ZFHX3: variants seen among roughly 807,000 people sequenced by gnomAD.
The protein encoded by ZFHX3 is zinc finger homeobox 3.
Under a neutral mutation model 279.1 loss-of-function variants are expected in ZFHX3, and 42 were observed. That is an observed-to-expected ratio of 0.15 (90% confidence interval 0.12 to 0.19). ZFHX3 has a LOEUF of 0.19. Ranked by LOEUF, ZFHX3 falls within the 10% of genes least tolerant of loss-of-function variation. ZFHX3 has a pLI of 1.00. For missense variants in ZFHX3, 4,981 were observed against 4,754.0 expected (o/e 1.05, Z -1.40); for synonymous variants, 2,293 against 1,957.8 (o/e 1.17, Z -4.52).
At chr16:73,283,213 T>A (rs2014501854) in intron 4 of ZFHX3, among the ~76,000 whole-genome samples, 1 of 152,228 alleles carries the variant, frequency 6.6e-6, no homozygotes, top group African/African-American at 2.4e-5. Flanking sequence ...TTCCGGCAAC[T>A]GTTTACATTT....
chr16:72,920,500 C>T (rs909181273), intron 3 of ZFHX3, among the ~76,000 whole-genome samples: 10 of 150,512 alleles, frequency 6.6e-5, no homozygotes, highest in Middle Eastern at 7.1e-3. Flanking sequence ...GCCAACATGG[C>T]GAAACCCCGT....
At chr16:73,197,020 G>A (rs370377567) in intron 5 of ZFHX3, among the ~76,000 whole-genome samples, 6 of 152,200 alleles carry the variant, frequency 3.9e-5, no homozygotes, top group East Asian at 1.9e-4. Context: ...TAAGTAGGGC[G>A]TCTTTACCAT....
chr16:72,904,170 A>G (rs1429660734), intron 3 of ZFHX3, among the ~76,000 whole-genome samples: 4 of 152,148 alleles, frequency 2.6e-5, no homozygotes, highest in Non-Finnish European at 4.4e-5. Flanking sequence ...GTTAGAGACC[A>G]GCTTGGCCAA....
chr16:73,217,591 C>T (rs1404890215), intron 5 of ZFHX3, among the ~76,000 whole-genome samples: 1 of 152,062 alleles, frequency 6.6e-6, no homozygotes, highest in Non-Finnish European at 1.5e-5. Flanking sequence ...TGTCAAGTGC[C>T]TCTCGATGTT....
At chr16:73,244,235 T>A (rs371159223) in intron 5 of ZFHX3, among the ~76,000 whole-genome samples, 5 of 152,108 alleles carry the variant, frequency 3.3e-5, no homozygotes, top group Non-Finnish European at 7.4e-5. Context: ...AGAGTATTCA[T>A]CCTGAGGAGA....
At chr16:73,035,386 C>G (rs1415723086) in intron 1 of ZFHX3, among the ~76,000 whole-genome samples, 2 of 152,168 alleles carry the variant, frequency 1.3e-5, no homozygotes, top group Non-Finnish European at 2.9e-5. Flanking sequence ...ACTTCAGATT[C>G]AGGCGGGATT....
chr16:73,675,233 C>G (rs931396884), intron 2 of ZFHX3, among the ~76,000 whole-genome samples: 6 of 152,072 alleles, frequency 3.9e-5, no homozygotes, highest in African/African-American at 1.4e-4. Context: ...TCTCACAAGG[C>G]ATGGGAGGGG....
At chr16:73,075,130 CATA>C in intron 8 of ZFHX3, among the ~76,000 whole-genome samples, 1 of 152,200 alleles carries the variant, frequency 6.6e-6, no homozygotes, top group Middle Eastern at 3.4e-3. Context: ...TGTTTTAAAG[CATA>C]ATTACTCTAT....
chr16:73,096,250 C>T (rs1966161583), intron 7 of ZFHX3, among the ~76,000 whole-genome samples: 1 of 151,716 alleles, frequency 6.6e-6, no homozygotes, highest in African/African-American at 2.4e-5. Context: ...CTTATGACTC[C>T]CAGTGCTGGA....
intron 4 of ZFHX3, among the ~76,000 whole-genome samples, chr16:72,876,754 AAGAAACAAAC>A (rs1329265131): frequency 5.3e-5 from 8 of 152,316 alleles, no homozygotes; most frequent in Admixed American, 5.2e-4. Context: ...TTCCCCCCTA[AAGAAACAAAC>A]AGAAAAAGCC....
At chr16:73,680,801 A>G (rs8063307) in intron 1 of ZFHX3, among the ~76,000 whole-genome samples, 36,086 of 152,116 alleles carry the variant, frequency 0.24, 4,370 homozygotes, top group Non-Finnish European at 0.25. Context: ...TTTTTGGCAA[A>G]TGATTTGGAT....
intron 1 of ZFHX3, among the ~76,000 whole-genome samples, chr16:73,748,146 G>A (rs527573055): frequency 6.6e-6 from 1 of 152,052 alleles, no homozygotes; most frequent in Non-Finnish European, 1.5e-5. Context: ...ATTTCACGGG[G>A]ATTTTTCATC....
At chr16:73,747,039 T>C (rs1483336775) in intron 1 of ZFHX3, among the ~76,000 whole-genome samples, 1 of 151,966 alleles carries the variant, frequency 6.6e-6, no homozygotes, top group African/African-American at 2.4e-5. Flanking sequence ...CACAAATGAG[T>C]TTGTCCAAGT....
chr16:72,931,225 G>T (rs1442872935), intron 3 of ZFHX3, among the ~76,000 whole-genome samples: 1 of 152,068 alleles, frequency 6.6e-6, no homozygotes, highest in Non-Finnish European at 1.5e-5. Flanking sequence ...TAATCATCAG[G>T]CAGGTCATGA....
At chr16:73,845,029 T>G (rs1315665224) in intron 1 of ZFHX3, among the ~76,000 whole-genome samples, 1 of 151,868 alleles carries the variant, frequency 6.6e-6, no homozygotes, top group Admixed American at 6.6e-5. Flanking sequence ...AAGGAAGAGG[T>G]GGTAGGAGCT....
chr16:73,784,796 A>AAAATATATATAT (rs56734827), intron 1 of ZFHX3, among the ~76,000 whole-genome samples: 6 of 131,112 alleles, frequency 4.6e-5, no homozygotes, highest in Admixed American at 1.6e-4. Context: ...TAAAAAAAAA[A>AAAATATATATAT]ATATATATAT....
At chr16:73,029,436 C>G (rs905532154) in intron 1 of ZFHX3, among the ~76,000 whole-genome samples, 4 of 152,214 alleles carry the variant, frequency 2.6e-5, no homozygotes, top group Admixed American at 6.5e-5. Context: ...CCCTGAAATG[C>G]TGGAGAAAAG....
intron 3 of ZFHX3, among the ~76,000 whole-genome samples, chr16:73,431,775 A>T (rs2017916001): frequency 6.6e-6 from 1 of 152,172 alleles, no homozygotes; most frequent in African/African-American, 2.4e-5. Context: ...GAAATGTATT[A>T]AGTACATGGC....
chr16:72,950,822 T>A lies in ZFHX3; in HGVS notation c.2863A>T (p.Thr955Ser). The A allele has an allele frequency of 6.2e-7, 1 of 1,614,152 alleles. No homozygotes were observed. Among genetic ancestry groups the A allele is most frequent in the Non-Finnish European group, 8.5e-7 (1 of 1,180,032 alleles). ...AGGCCCAGCATGTCCAGGTTGTCCG[T>A]CGTGAACTTGTTGCAGACGGCGCAC... ...FQCAVCNKFT[T>S]DNLDMLGLHM... Residue 955 changes from threonine to serine, a missense_variant, in exon 3 of 10, where the codon ACG (threonine) becomes TCG (serine). Thr to Ser is a moderately conservative substitution (Grantham distance 58). This residue lies in a region of ZFHX3 where 1,751 missense variants were observed against 1,770.0 expected (regional missense o/e 0.99). Coordinates refer to ENST00000268489, the MANE Select transcript of ZFHX3 (RefSeq NM_006885.4).
Sources: allele counts gnomAD v4.1 joint callset (sites outside exome capture counted in the v4.1 genomes callset), GRCh38; gene constraint gnomAD v4.1.1; regional missense constraint gnomAD v4.1.1; transcripts MANE v1.5; gene names NCBI Gene and HGNC (gene_info 2026-07-23, HGNC 2026-07-21).